DOK5: variants seen among roughly 807,000 people sequenced by gnomAD.
DOK5 encodes the protein docking protein 5.
Under a neutral mutation model 43.3 loss-of-function variants are expected in DOK5, and 27 were observed. The ratio of observed to expected loss-of-function variants is 0.62; its 90% CI spans 0.46 to 0.86. The LOEUF (loss-of-function observed/expected upper bound fraction) is 0.86. DOK5 is among the 40% of genes least tolerant of loss of function. The pLI is 0.00. For missense variants in DOK5, 373 were observed against 392.9 expected (o/e 0.95, Z 0.43); for synonymous variants, 146 against 140.1 (o/e 1.04, Z -0.30).
At chr20:54,548,350 C>G (rs556741305) in intron 1 of DOK5, among the ~76,000 whole-genome samples, 4 of 152,098 alleles carry the variant, frequency 2.6e-5, no homozygotes, top group African/African-American at 4.8e-5. Flanking sequence ...ATTGTCCTAC[C>G]TCCGCTTCCC....
chr20:54,534,381 GT>G (rs1983881557), intron 1 of DOK5, among the ~76,000 whole-genome samples: 1 of 152,174 alleles, frequency 6.6e-6, no homozygotes, highest in Admixed American at 6.5e-5. Flanking sequence ...TAGAGATGGG[GT>G]TTTGCCCTGT....
intron 6 of DOK5, among the ~76,000 whole-genome samples, chr20:54,621,584 G>C (rs961800512): frequency 6.6e-6 from 1 of 152,110 alleles, no homozygotes; most frequent in Admixed American, 6.5e-5. Flanking sequence ...AGCTACTTGG[G>C]AGGCTGAGGC....
intron 1 of DOK5, among the ~76,000 whole-genome samples, chr20:54,486,038 G>T (rs1981920597): frequency 6.6e-6 from 1 of 152,102 alleles, no homozygotes; most frequent in Non-Finnish European, 1.5e-5. Context: ...TTAGATAAGT[G>T]GTTTGCAAGT....
intron 1 of DOK5, among the ~76,000 whole-genome samples, chr20:54,489,495 TG>T (rs1222026428): frequency 1.3e-5 from 2 of 152,172 alleles, no homozygotes; most frequent in South Asian, 4.1e-4. Context: ...TCTTATTTAG[TG>T]ATATATCATA....
intron 1 of DOK5, among the ~76,000 whole-genome samples, chr20:54,539,536 G>A (rs1264165445): frequency 2.6e-5 from 4 of 152,136 alleles, no homozygotes; most frequent in African/African-American, 9.7e-5. Context: ...AACTGCCTGT[G>A]ACTCAACTAT....
intron 1 of DOK5, among the ~76,000 whole-genome samples, chr20:54,544,943 T>C (rs1984288803): frequency 1.3e-5 from 2 of 152,204 alleles, no homozygotes; most frequent in African/African-American, 4.8e-5. Flanking sequence ...CTGGTAATTC[T>C]TTATGCCTAC....
intron 1 of DOK5, among the ~76,000 whole-genome samples, chr20:54,479,470 A>G (rs1300729456): frequency 2.0e-5 from 3 of 152,204 alleles, no homozygotes; most frequent in Admixed American, 6.5e-5. Flanking sequence ...GAGGCAAATC[A>G]GGCAATTTGT....
At chr20:54,515,235 AT>A (rs1983158047) in intron 1 of DOK5, among the ~76,000 whole-genome samples, 1 of 152,120 alleles carries the variant, frequency 6.6e-6, no homozygotes, top group Non-Finnish European at 1.5e-5. Flanking sequence ...CTGGTCTTGA[AT>A]TCCTGACCTC....
At chr20:54,487,510 T>C (rs1251115735) in intron 1 of DOK5, among the ~76,000 whole-genome samples, 1 of 152,142 alleles carries the variant, frequency 6.6e-6, no homozygotes, top group Non-Finnish European at 1.5e-5. Flanking sequence ...GACCATGCAG[T>C]GACAAAAATT....
In DOK5 at chr20:54,637,886, G is replaced by C. The variant is rs190313356; in HGVS notation, c.736-5572G>C. Among the ~76,000 whole-genome samples, 116 of 152,284 alleles carry C rather than the reference G, an allele frequency of 7.6e-4. 1 individual carries two copies. The Middle Eastern group carries it at 0.01, about 13-fold the overall frequency. On this transcript the variant is annotated intron_variant, in intron 6 of 7. Coordinates refer to ENST00000262593, the MANE Select transcript of DOK5 (RefSeq NM_018431.5). ...GCCTGTAATCCCAGCACTTTGGGAG[G>C]CCAAGGCGGGCAGATCACAAGGTCA...
rs894358426 is a variant in DOK5 at position 54,492,924 on chromosome 20, G to A, written c.66+16912G>A. ...AAAAAAGTTAGCCAGGAGTGGTGGC[G>A]GGCGCCTGTAATCCCAGTTACTCGA... is the stretch of plus-strand genomic sequence containing the variant. On this transcript the variant is annotated intron_variant, in intron 1 of 7. Transcript: ENST00000262593. Among the ~76,000 whole-genome samples, 4 of 151,536 alleles carry A rather than the reference G, an allele frequency of 2.6e-5. No homozygotes were observed. The East Asian group carries it at 5.8e-4, about 22-fold the overall frequency.
At chr20:54,604,998 T>G (rs1986418650) in intron 5 of DOK5, among the ~76,000 whole-genome samples, 1 of 85,572 alleles carries the variant, frequency 1.2e-5, no homozygotes, top group African/African-American at 7.1e-5. Context: ...CAAGACTGTG[T>G]CTCAAAAAAA....
chr20:54,640,985 A>G (rs1439119444), intron 6 of DOK5, among the ~76,000 whole-genome samples: 1 of 152,212 alleles, frequency 6.6e-6, no homozygotes, highest in Non-Finnish European at 1.5e-5. Context: ...GAGGTGAGGG[A>G]TATGTTAATT....
intron 1 of DOK5, among the ~76,000 whole-genome samples, chr20:54,508,061 T>C (rs6023324): frequency 0.039 from 5,994 of 152,214 alleles, 409 homozygotes; most frequent in African/African-American, 0.14. Context: ...AGCTCGAAGA[T>C]GGCTTGGAGG....
chr20:54,559,261 A>G (rs1254838410), intron 2 of DOK5, among the ~76,000 whole-genome samples: 1 of 152,196 alleles, frequency 6.6e-6, no homozygotes, highest in Non-Finnish European at 1.5e-5. Flanking sequence ...ACCGCTTTTG[A>G]GACCAAGGCA....
chr20:54,488,362 G>C (rs1982024958), intron 1 of DOK5, among the ~76,000 whole-genome samples: 1 of 152,180 alleles, frequency 6.6e-6, no homozygotes, highest in Non-Finnish European at 1.5e-5. Flanking sequence ...CTGGCTGGCT[G>C]TCTCTTGGCA....
At chr20:54,572,221 C>T (rs1308339492) in intron 2 of DOK5, among the ~76,000 whole-genome samples, 4 of 150,846 alleles carry the variant, frequency 2.7e-5, no homozygotes, top group African/African-American at 9.8e-5. Context: ...AGTGCAGTGG[C>T]GCGATCTTGG....
intron 1 of DOK5, among the ~76,000 whole-genome samples, chr20:54,551,055 C>T (rs1984513437): frequency 6.6e-6 from 1 of 152,126 alleles, no homozygotes; most frequent in African/African-American, 2.4e-5. Context: ...TCCTTGTCTG[C>T]ATTTGGTGGT....
chr20:54,638,868 G>A (rs1772928080), intron 6 of DOK5, among the ~76,000 whole-genome samples: 1 of 150,234 alleles, frequency 6.7e-6, no homozygotes, highest in South Asian at 2.1e-4. Flanking sequence ...TTTTAGTAGA[G>A]ACGGAGTTTC....
Sources: gnomAD v4.1 joint callset for allele counts (sites outside exome capture counted in the v4.1 genomes callset) on GRCh38, gnomAD v4.1.1 for gene constraint, MANE v1.5 for transcripts, NCBI Gene and HGNC (gene_info 2026-07-23, HGNC 2026-07-21) for gene names.